LRBA: variants seen among roughly 807,000 people sequenced by gnomAD.
LRBA encodes lipopolysaccharide-responsive and beige-like anchor protein.
A neutral mutation model predicts 330.0 loss-of-function variants in LRBA; 176 were observed. That is an observed-to-expected ratio of 0.53 (90% CI 0.47 to 0.60). The LOEUF is 0.60. Among genes scored for constraint, LRBA ranks in the 20% least tolerant of loss-of-function variants. LRBA has a pLI of 0.00. For missense variants in LRBA, 3,259 were observed against 3,444.8 expected (o/e 0.95, Z 1.35); for synonymous variants, 1,230 against 1,193.0 (o/e 1.03, Z -0.64).
At chr4:150,641,954 A>G (rs546192407) in intron 37 of LRBA, among the ~76,000 whole-genome samples, 134 of 152,186 alleles carry the variant, frequency 8.8e-4, no homozygotes, top group African/African-American at 3.1e-3. Flanking sequence ...GGTATTTGCT[A>G]TCTAAACTTT....
chr4:150,953,332 A>G (rs1158478901), intron 2 of LRBA, among the ~76,000 whole-genome samples: 1 of 151,712 alleles, frequency 6.6e-6, no homozygotes, highest in African/African-American at 2.4e-5. Context: ...AATCTCAATA[A>G]ATTTAAAAGA....
intron 47 of LRBA, among the ~76,000 whole-genome samples, chr4:150,353,953 G>A (rs183009376): frequency 2.6e-5 from 4 of 152,244 alleles, no homozygotes; most frequent in Admixed American, 1.3e-4. Context: ...AAGTATAAGA[G>A]AATTCCAAGA....
chr4:150,877,377 T>C (rs1754167074), intron 17 of LRBA, among the ~76,000 whole-genome samples: 3 of 151,764 alleles, frequency 2.0e-5, no homozygotes, highest in Non-Finnish European at 4.4e-5. Context: ...CAGGTGTCAC[T>C]ATTCTTATAT....
intron 34 of LRBA, among the ~76,000 whole-genome samples, chr4:150,789,027 T>C (rs1035170653): frequency 6.6e-6 from 1 of 152,134 alleles, no homozygotes; most frequent in Non-Finnish European, 1.5e-5. Flanking sequence ...TGAGCCGAGA[T>C]CATGCCACTG....
At chr4:150,495,664 AGTATAG>A (rs780377169) in intron 40 of LRBA, among the ~76,000 whole-genome samples, 1 of 152,218 alleles carries the variant, frequency 6.6e-6, no homozygotes, top group Non-Finnish European at 1.5e-5. Flanking sequence ...TTATTGGAAT[AGTATAG>A]GCCTGGTCTG....
intron 4 of LRBA, among the ~76,000 whole-genome samples, chr4:150,922,565 T>TATGAGGAC (rs1733421234): frequency 6.6e-6 from 1 of 151,950 alleles, no homozygotes; most frequent in South Asian, 2.1e-4. Context: ...GGAGCTAAGC[T>TATGAGGAC]ATGAGGACAC....
intron 37 of LRBA, among the ~76,000 whole-genome samples, chr4:150,681,660 T>C (rs1053197103): frequency 6.6e-6 from 1 of 152,200 alleles, no homozygotes; most frequent in African/African-American, 2.4e-5. Flanking sequence ...TTTGTGATGG[T>C]ACATCCTTTC....
intron 28 of LRBA, among the ~76,000 whole-genome samples, chr4:150,838,437 G>T (rs946582264): frequency 2.0e-5 from 3 of 152,114 alleles, no homozygotes; most frequent in Non-Finnish European, 4.4e-5. Context: ...CCAATCAGAC[G>T]TAGATTTGGT....
Position 150,302,680 on chromosome 4 carries a change from A to C in LRBA, c.7962T>G (p.Thr2654=), listed in dbSNP as rs1729826721. ...CYILSGSRDA[T]LLLWYWNGKC... ...TTCCATTCCAATACCACAGCAAAAG[A>C]GTTGCATCACGTGACCCTGAGAGAA... Residue 2654 remains threonine, a synonymous_variant, in exon 53 of 57, where the codon ACT becomes ACG. Transcript: ENST00000651943. 2 of 1,613,052 alleles carry C rather than the reference A, an allele frequency of 1.2e-6. No individual in the cohort carries two copies. The highest frequency in any genetic ancestry group is 1.7e-6 in the Non-Finnish European group (2 of 1,179,406).
intron 36 of LRBA, among the ~76,000 whole-genome samples, chr4:150,731,019 AAAAAC>A (rs1189548702): frequency 1.3e-5 from 2 of 152,200 alleles, no homozygotes; most frequent in African/African-American, 4.8e-5. Context: ...CTCTGTCTCA[AAAAAC>A]AAAACAAAAC....
chr4:150,506,779 A>G (rs904686697), intron 40 of LRBA, among the ~76,000 whole-genome samples: 1 of 152,202 alleles, frequency 6.6e-6, no homozygotes, highest in Non-Finnish European at 1.5e-5. Flanking sequence ...GAAAAGAGGA[A>G]GTCAAACTGC....
chr4:150,606,246 G>A (rs970765139), intron 37 of LRBA, among the ~76,000 whole-genome samples: 1 of 152,014 alleles, frequency 6.6e-6, no homozygotes, highest in African/African-American at 2.4e-5. Context: ...GTAAAGTTAT[G>A]AGACTATCAA....
chr4:150,727,689 C>T (rs1046612571), intron 36 of LRBA, among the ~76,000 whole-genome samples: 2 of 151,808 alleles, frequency 1.3e-5, no homozygotes, highest in Middle Eastern at 3.4e-3. Context: ...ACACAACATA[C>T]TAAAGCATAC....
At chr4:150,712,691 G>A (rs934015375) in intron 36 of LRBA, among the ~76,000 whole-genome samples, 8 of 152,136 alleles carry the variant, frequency 5.3e-5, no homozygotes, top group African/African-American at 1.7e-4. Context: ...AAAAAATTAC[G>A]CTACGATTAC....
chr4:150,558,557 G>C (rs757662627), intron 40 of LRBA, among the ~76,000 whole-genome samples: 1 of 152,036 alleles, frequency 6.6e-6, no homozygotes, highest in Non-Finnish European at 1.5e-5. Flanking sequence ...TATGCTCCAG[G>C]CTCATCTTGT....
intron 2 of LRBA, among the ~76,000 whole-genome samples, chr4:150,935,370 TACAA>T (rs1237285834): frequency 1.3e-5 from 2 of 151,904 alleles, no homozygotes; most frequent in African/African-American, 4.8e-5. Context: ...TAACAGAAAA[TACAA>T]GAGTTTTAAA....
rs1742785088 is a variant in LRBA at position 150,806,306 on chromosome 4, C to T, written c.5483G>A (p.Gly1828Asp). ...TATAAGCAGTTCTTGTCCATGGCTACCCAAAAGTGTCCGAGAAAGAAAAGG... is the reference window on the plus strand; with the variant it reads ...TATAAGCAGTTCTTGTCCATGGCTATCCAAAAGTGTCCGAGAAAGAAAAGG... ...FAPFLSRTLLGSHGQELLIEG... is the reference protein window; with the variant it reads ...FAPFLSRTLLDSHGQELLIEG... Residue 1828 changes from glycine (G) to aspartate (D), a missense_variant, in exon 33 of 57, where the codon GGT becomes GAT. Transcript: ENST00000651943. The T allele has an allele frequency of 6.2e-7, 1 of 1,607,980 alleles. No homozygotes were observed. Among genetic ancestry groups the T allele is most frequent in the Non-Finnish European group, 8.5e-7 (1 of 1,177,226 alleles).
chr4:150,911,452 T>C (rs554566386), intron 9 of LRBA, among the ~76,000 whole-genome samples: 1 of 152,146 alleles, frequency 6.6e-6, no homozygotes, highest in Non-Finnish European at 1.5e-5. Flanking sequence ...AGTTGATATA[T>C]GATCATATGG....
intron 2 of LRBA, among the ~76,000 whole-genome samples, chr4:150,985,180 A>G (rs1741301268): frequency 6.6e-6 from 1 of 150,830 alleles, no homozygotes; most frequent in African/African-American, 2.4e-5. Context: ...AATCACTTGA[A>G]CCTGGGGGTG....
Sources: gnomAD v4.1 joint callset for allele counts (sites outside exome capture counted in the v4.1 genomes callset) on GRCh38, gnomAD v4.1.1 for gene constraint, MANE v1.5 for transcripts, NCBI Gene and HGNC (gene_info 2026-07-23, HGNC 2026-07-21) for gene names.